REEP1: variants seen among roughly 807,000 people sequenced by gnomAD.
The protein encoded by REEP1 is receptor expression-enhancing protein 1.
In REEP1, 22 loss-of-function variants were observed where a neutral mutation model predicts 40.3. That is an observed-to-expected ratio of 0.55 (90% CI 0.39 to 0.78). The LOEUF (loss-of-function observed/expected upper bound fraction) is 0.78, where lower values mean the gene tolerates loss of function less well. Among genes scored for constraint, REEP1 ranks in the 30% least tolerant of loss-of-function variants. REEP1 has a pLI of 0.00. For synonymous variants in REEP1, 116 were observed against 139.2 expected, an observed-to-expected ratio of 0.83 and a Z score of 1.17; for missense variants, 280 against 361.1, an observed-to-expected ratio of 0.78 and a Z score of 1.82.
chr2:86,238,506 G>A (rs943643600), intron 5 of REEP1, among the ~76,000 whole-genome samples: 7 of 152,168 alleles, frequency 4.6e-5, no homozygotes, highest in African/African-American at 1.7e-4. Context: ...ATACATATTT[G>A]GGGTTAAGGA....
At chr2:86,264,121 G>C (rs548279884) in intron 2 of REEP1, 80 bp from the exon 3 acceptor site, 6 of 1,095,812 alleles carry the variant, frequency 5.5e-6, no homozygotes, top group Non-Finnish European at 5.6e-6. Flanking sequence ...ACAGGCCCCG[G>C]CGGCAGATAC....
chr2:86,294,384 T>C (rs372404721), intron 1 of REEP1, among the ~76,000 whole-genome samples: 3 of 152,234 alleles, frequency 2.0e-5, no homozygotes, highest in East Asian at 3.8e-4. Flanking sequence ...AAATCATCCA[T>C]AGTTAAAAAT....
intron 1 of REEP1, among the ~76,000 whole-genome samples, chr2:86,326,280 A>T (rs1238488781): frequency 6.6e-6 from 1 of 152,264 alleles, no homozygotes; most frequent in Admixed American, 6.5e-5. Flanking sequence ...TGAGCAGTAC[A>T]TCAATGAATA....
intron 6 of REEP1, among the ~76,000 whole-genome samples, chr2:86,230,255 A>C (rs1674937327): frequency 6.6e-6 from 1 of 152,248 alleles, no homozygotes; most frequent in African/African-American, 2.4e-5. Context: ...CCAGGCCCAG[A>C]AGACACTGCC....
chr2:86,263,069 A>T (rs1210841461), intron 3 of REEP1, among the ~76,000 whole-genome samples: 1 of 152,252 alleles, frequency 6.6e-6, no homozygotes, highest in Non-Finnish European at 1.5e-5. Flanking sequence ...TTATGTAGCC[A>T]TTAAAAATTA....
intron 1 of REEP1, among the ~76,000 whole-genome samples, chr2:86,330,766 G>A (rs926996911): frequency 9.9e-5 from 15 of 152,000 alleles, no homozygotes; most frequent in African/African-American, 2.9e-4. Context: ...GTCTTATAAC[G>A]ATAAGACAAA....
At chr2:86,221,834 A>G (rs138087193) in intron 7 of REEP1, among the ~76,000 whole-genome samples, 5 of 152,172 alleles carry the variant, frequency 3.3e-5, no homozygotes, top group African/African-American at 1.2e-4. Flanking sequence ...CAAACCAGGA[A>G]ATTCCTTCTG....
At chr2:86,224,843 A>C (rs1000184628) in intron 7 of REEP1, among the ~76,000 whole-genome samples, 1 of 152,168 alleles carries the variant, frequency 6.6e-6, no homozygotes, top group East Asian at 1.9e-4. Context: ...TGATCATGAA[A>C]CCACCAGATG....
chr2:86,285,861 G>T (rs989857508), intron 1 of REEP1, among the ~76,000 whole-genome samples: 1 of 152,166 alleles, frequency 6.6e-6, no homozygotes, highest in African/African-American at 2.4e-5. Context: ...AAAAAATGTG[G>T]TAAGATAAGA....
intron 6 of REEP1, among the ~76,000 whole-genome samples, chr2:86,227,693 G>T (rs1021635909): frequency 1.3e-5 from 2 of 152,186 alleles, no homozygotes; most frequent in Middle Eastern, 3.2e-3. Flanking sequence ...ATAACTCCAA[G>T]CACCCCTGCC....
At chr2:86,240,451 G>A (rs1462853115) in intron 5 of REEP1, among the ~76,000 whole-genome samples, 1 of 152,230 alleles carries the variant, frequency 6.6e-6, no homozygotes, top group East Asian at 1.9e-4. Context: ...GGTCGAACCC[G>A]AGTGAGGAGT....
chr2:86,229,490 T>C (rs1674893270), intron 6 of REEP1, among the ~76,000 whole-genome samples: 1 of 152,048 alleles, frequency 6.6e-6, no homozygotes, highest in Non-Finnish European at 1.5e-5. Flanking sequence ...TCTGCCAGAC[T>C]TCCTCCTAGG....
At chr2:86,302,316 C>T (rs938319674) in intron 1 of REEP1, among the ~76,000 whole-genome samples, 2 of 152,210 alleles carry the variant, frequency 1.3e-5, no homozygotes, top group Admixed American at 6.5e-5. Flanking sequence ...GAAAAGCTGC[C>T]GTTTCCTCCA....
chr2:86,258,712 A>C (rs568143592), intron 3 of REEP1, among the ~76,000 whole-genome samples: 1 of 152,340 alleles, frequency 6.6e-6, no homozygotes, highest in South Asian at 2.1e-4. Flanking sequence ...ACCTCGAGAG[A>C]CAGAGAAAGG....
rs1189087854 is a variant in REEP1, at chr2:86,282,498, A to C, written c.33-256T>G. Among the ~76,000 whole-genome samples the C allele has an allele frequency of 2.6e-5, 4 of 152,070 alleles. No individual in the cohort carries two copies. The East Asian group carries it at 7.7e-4, about 29-fold the overall frequency. ...CAACATGGAAGGGTGGTTGGGGGTC[A>C]TGGAAGCCAAAAATGGGGATGTGAA... is the stretch of plus-strand genomic sequence containing the variant. On this transcript the variant is annotated intron_variant, in intron 1 of 8. Transcript: ENST00000538924.
chr2:86,287,154 T>C (rs1035745590), intron 1 of REEP1, among the ~76,000 whole-genome samples: 2 of 152,220 alleles, frequency 1.3e-5, no homozygotes, highest in African/African-American at 2.4e-5. Context: ...AGTAGCATGA[T>C]CTCTGCTCAC....
chr2:86,283,908 AC>A (rs1678240144), intron 1 of REEP1, among the ~76,000 whole-genome samples: 1 of 151,930 alleles, frequency 6.6e-6, no homozygotes, highest in Non-Finnish European at 1.5e-5. Context: ...ACTGTGCACT[AC>A]CTTGGGGAGC....
intron 1 of REEP1, among the ~76,000 whole-genome samples, chr2:86,284,515 C>T (rs1056148648): frequency 1.3e-5 from 2 of 152,162 alleles, no homozygotes; most frequent in East Asian, 1.9e-4. Context: ...ACTGAGGTCT[C>T]GGTAGCGAGG....
intron 2 of REEP1, chr2:86,280,177 G>GT (rs770159275): frequency 8.8e-5 from 34 of 387,660 alleles, no homozygotes; most frequent in Non-Finnish European, 1.4e-4. Context: ...ACACAGGAGT[G>GT]TGAGTGCAGA....
Sources: gnomAD v4.1 joint callset for allele counts (sites outside exome capture counted in the v4.1 genomes callset) on GRCh38, gnomAD v4.1.1 for gene constraint, MANE v1.5 for transcripts, NCBI Gene and HGNC (gene_info 2026-07-23, HGNC 2026-07-21) for gene names.